The following UBE2E2 variants were observed in gnomAD, a reference collection of about 807,000 sequenced individuals.
UBE2E2 encodes ubiquitin conjugating enzyme E2 E2, also known as ubiquitin-conjugating enzyme E2 E2.
Under a neutral mutation model 24.7 loss-of-function variants are expected in UBE2E2, and 6 were observed. The ratio of observed to expected loss-of-function variants is 0.24; its 90% CI spans 0.13 to 0.48. The LOEUF (loss-of-function observed/expected upper bound fraction) is 0.48, where lower values mean the gene tolerates loss of function less well. Among genes scored for constraint, UBE2E2 ranks in the 20% least tolerant of loss-of-function variants. The pLI is 0.99. For synonymous variants in UBE2E2, 104 were observed against 83.6 expected (o/e 1.24, Z -1.33); for missense variants, 169 against 245.0 (o/e 0.69, Z 2.07).
At chr3:23,313,386 CTT>C (rs34208918) in intron 3 of UBE2E2, among the ~76,000 whole-genome samples, 3 of 111,862 alleles carry the variant, frequency 2.7e-5, no homozygotes, top group Non-Finnish European at 1.7e-5. Flanking sequence ...ATCATTGGGT[CTT>C]TTTTTTTTTT....
At chr3:23,217,210 T>G in intron 2 of UBE2E2, 52 bp from the exon 3 acceptor site, 1 of 1,477,294 alleles carries the variant, frequency 6.8e-7, no homozygotes, top group Non-Finnish European at 9.4e-7. Flanking sequence ...TGAAATAAAT[T>G]GTTAAGAGTG....
At chr3:23,383,439 C>T (rs897403094) in intron 3 of UBE2E2, among the ~76,000 whole-genome samples, 8 of 150,676 alleles carry the variant, frequency 5.3e-5, no homozygotes, top group Admixed American at 6.6e-5. Context: ...AAATAGAAGC[C>T]GATTGACTTT....
At chr3:23,267,658 C>G (rs1316868863) in intron 3 of UBE2E2, among the ~76,000 whole-genome samples, 3 of 152,008 alleles carry the variant, frequency 2.0e-5, no homozygotes, top group Non-Finnish European at 4.4e-5. Context: ...CCTTCTGAAA[C>G]TATTCCAATC....
intron 3 of UBE2E2, among the ~76,000 whole-genome samples, chr3:23,470,414 G>A (rs1699010260): frequency 6.6e-6 from 1 of 152,174 alleles, no homozygotes; most frequent in Non-Finnish European, 1.5e-5. Flanking sequence ...TACCAGGTAG[G>A]AATCTAACCA....
rs1229652519 is a variant in UBE2E2, at chr3:23,585,885, A to AG, written c.509-3849_509-3848insG. ...GAAACTGTCTCAACAAAAAAAAAAA[A>AG]TTATTTGGTTGATAACATGTTTTTT... On this transcript the variant is annotated intron_variant, in intron 5 of 5. Transcript: ENST00000396703. Among the ~76,000 whole-genome samples, 169 of 149,238 alleles carry AG rather than the reference A, an allele frequency of 1.1e-3. 1 individual carries two copies. The highest frequency in any genetic ancestry group is 3.4e-3 in the Middle Eastern group (1 of 292).
intron 3 of UBE2E2, among the ~76,000 whole-genome samples, chr3:23,483,482 C>T (rs534020041): frequency 6.6e-6 from 1 of 152,296 alleles, no homozygotes; most frequent in South Asian, 2.1e-4. Context: ...AACTGAGGCT[C>T]AGTGGTATGA....
chr3:23,573,518 A>C (rs1575717404), intron 5 of UBE2E2, among the ~76,000 whole-genome samples: 1 of 152,212 alleles, frequency 6.6e-6, no homozygotes. Context: ...TGAGTACTAA[A>C]CAGCCAGTAT....
chr3:23,579,036 A>G (rs1289164057), intron 5 of UBE2E2, among the ~76,000 whole-genome samples: 1 of 152,194 alleles, frequency 6.6e-6, no homozygotes, highest in African/African-American at 2.4e-5. Flanking sequence ...CATGCCTGCT[A>G]ACACAGCATC....
chr3:23,549,824 G>C (rs1455194541), intron 5 of UBE2E2, among the ~76,000 whole-genome samples: 3 of 152,076 alleles, frequency 2.0e-5, no homozygotes, highest in Admixed American at 1.3e-4. Flanking sequence ...CCTGAGGTCA[G>C]GAGTTTGAGA....
intron 4 of UBE2E2, among the ~76,000 whole-genome samples, chr3:23,514,213 G>T (rs1177008009): frequency 6.6e-6 from 1 of 152,184 alleles, no homozygotes; most frequent in African/African-American, 2.4e-5. Flanking sequence ...TTCAGAGTTA[G>T]ATCCTGAGAG....
chr3:23,282,021 C>T (rs1575529550), intron 3 of UBE2E2, among the ~76,000 whole-genome samples: 1 of 152,146 alleles, frequency 6.6e-6, no homozygotes, highest in African/African-American at 2.4e-5. Flanking sequence ...GCAAATGAAA[C>T]TTGGCTTTTG....
intron 3 of UBE2E2, among the ~76,000 whole-genome samples, chr3:23,336,887 C>T (rs1291377797): frequency 6.6e-6 from 1 of 152,060 alleles, no homozygotes; most frequent in African/African-American, 2.4e-5. Context: ...TGCCTGTAAT[C>T]CCAGCACTTT....
chr3:23,301,169 CT>C (rs1339876088), intron 3 of UBE2E2, among the ~76,000 whole-genome samples: 1 of 152,138 alleles, frequency 6.6e-6, no homozygotes, highest in Admixed American at 6.5e-5. Flanking sequence ...ATTAGTTATT[CT>C]AGTTATCCAT....
chr3:23,580,555 A>C (rs1049345534), intron 5 of UBE2E2, among the ~76,000 whole-genome samples: 1 of 152,184 alleles, frequency 6.6e-6, no homozygotes, highest in Non-Finnish European at 1.5e-5. Flanking sequence ...AATATGTGTG[A>C]CTCACTTTAT....
intron 3 of UBE2E2, among the ~76,000 whole-genome samples, chr3:23,358,940 T>G (rs780854522): frequency 3.3e-5 from 5 of 152,216 alleles, no homozygotes; most frequent in African/African-American, 9.6e-5. Context: ...CAAGGGTACC[T>G]AGCCACAAAG....
chr3:23,381,816 T>G (rs1013025441), intron 3 of UBE2E2, among the ~76,000 whole-genome samples: 1 of 152,142 alleles, frequency 6.6e-6, no homozygotes, highest in Non-Finnish European at 1.5e-5. Flanking sequence ...TTGGGCATGG[T>G]GTTGATTATG....
intron 5 of UBE2E2, among the ~76,000 whole-genome samples, chr3:23,587,636 G>C (rs561065880): frequency 2.6e-5 from 4 of 152,282 alleles, no homozygotes; most frequent in African/African-American, 7.2e-5. Flanking sequence ...AGAGAAATGT[G>C]ACTCAGATTT....
intron 3 of UBE2E2, among the ~76,000 whole-genome samples, chr3:23,401,022 G>T (rs1382864410): frequency 6.6e-6 from 1 of 152,212 alleles, no homozygotes; most frequent in Admixed American, 6.5e-5. Flanking sequence ...GCTAAAGAAT[G>T]ACTGGTATGT....
At position 23,289,420 on chromosome 3, in the gene UBE2E2, A is replaced by C. The variant is rs980279400; in HGVS notation, c.227+72108A>C. On this transcript the variant is annotated intron_variant, in intron 3 of 5. Coordinates refer to ENST00000396703, the MANE Select transcript of UBE2E2 (RefSeq NM_152653.4). ...GTGAAGGTTTGTTACTTTAGCTGGC[A>C]TTCTTTGCAGACATACCTTATAATG... 6.6e-5 allele frequency among the ~76,000 whole-genome samples: 10 copies of C among 152,374 alleles called. 2 individuals are homozygous for C. Among genetic ancestry groups the C allele is most frequent in the Admixed American group, 1.3e-4 (2 of 15,310 alleles).
Sources: allele counts gnomAD v4.1 joint callset (sites outside exome capture counted in the v4.1 genomes callset), GRCh38; gene constraint gnomAD v4.1.1; transcripts MANE v1.5; gene names NCBI Gene and HGNC (gene_info 2026-07-23, HGNC 2026-07-21).